Variants in SDK2 observed in about 807,000 individuals in gnomAD.
SDK2 encodes sidekick cell adhesion molecule 2.
In SDK2, 105 loss-of-function variants were observed where a neutral mutation model predicts 253.9. That is an observed-to-expected ratio of 0.41 (90% CI 0.35 to 0.49). The LOEUF (loss-of-function observed/expected upper bound fraction) is 0.49, where lower values mean the gene tolerates loss of function less well. Ranked by LOEUF, SDK2 falls within the 20% of genes least tolerant of loss-of-function variation. The probability of loss-of-function intolerance (pLI) is 0.06; values close to 1 mark genes in which losing one functional copy is unlikely to be tolerated. For synonymous variants in SDK2, 1,249 were observed against 1,234.9 expected (o/e 1.01, Z -0.24); for missense variants, 2,608 against 3,003.0 (o/e 0.87, Z 3.07).
intron 1 of SDK2, among the ~76,000 whole-genome samples, chr17:73,600,725 G>A (rs1000287622): frequency 2.0e-5 from 3 of 152,192 alleles, no homozygotes; most frequent in African/African-American, 7.2e-5. Flanking sequence ...CCCATCAAGA[G>A]GCATTTATTG....
chr17:73,361,888 C>T lies in SDK2; in HGVS notation c.5306-43G>A, dbSNP rs746704327. On this transcript the variant is annotated intron_variant, in intron 38 of 44. Coordinates refer to ENST00000392650, the MANE Select transcript of SDK2 (RefSeq NM_001144952.2). This position sits in a 1 kb window ranked among gnomAD's most constrained non-coding sequence, Gnocchi z 4.1. ...AGTGGGGACTGGGCACAGGGCCCACCGAGGGCACTGGAGGCCATGGGGAAG... is the reference window on the plus strand; with the variant it reads ...AGTGGGGACTGGGCACAGGGCCCACTGAGGGCACTGGAGGCCATGGGGAAG... 2.0e-5 allele frequency: 31 copies of T among 1,528,282 alleles called. No individual in the cohort carries two copies. Among genetic ancestry groups the T allele is most frequent in the East Asian group, 7.3e-5 (3 of 41,122 alleles). The allele number at this position is 1,528,282 out of a possible 1,614,324, so 94.7% of individuals were successfully genotyped here.
chr17:73,593,389 T>C (rs989696414), intron 1 of SDK2, among the ~76,000 whole-genome samples: 1 of 152,106 alleles, frequency 6.6e-6, no homozygotes, highest in Admixed American at 6.5e-5. Context: ...GCATCCTTCC[T>C]CCTCATTGTG....
At chr17:73,517,274 C>A (rs2064036866) in intron 1 of SDK2, 1 of 152,182 alleles carries the variant, frequency 6.6e-6, no homozygotes, top group African/African-American at 2.4e-5. Context: ...ATGTCTCCCC[C>A]AAATTCATGT....
intron 2 of SDK2, among the ~76,000 whole-genome samples, chr17:73,472,844 G>C (rs2063661973): frequency 6.6e-6 from 1 of 152,148 alleles, no homozygotes; most frequent in African/African-American, 2.4e-5. Context: ...CACGTGATCT[G>C]ATGGTTTTAT....
At chr17:73,582,145 C>T (rs1292424495) in intron 1 of SDK2, among the ~76,000 whole-genome samples, 2 of 151,984 alleles carry the variant, frequency 1.3e-5, no homozygotes, top group East Asian at 1.9e-4. Flanking sequence ...TGCACAGGCC[C>T]GAGCATTTGG....
chr17:73,396,396 C>A (rs1057229450), intron 24 of SDK2, among the ~76,000 whole-genome samples: 4 of 151,988 alleles, frequency 2.6e-5, no homozygotes, highest in African/African-American at 9.7e-5. Flanking sequence ...CCAGCCCTCA[C>A]CTCCCCCAGT....
At chr17:73,610,544 T>TGCCTG (rs1485298349) in intron 1 of SDK2, among the ~76,000 whole-genome samples, 5 of 152,224 alleles carry the variant, frequency 3.3e-5, no homozygotes. Flanking sequence ...ACTGCTTCAC[T>TGCCTG]GCAGCCACAA....
At chr17:73,622,856 C>T (rs1030489177) in intron 1 of SDK2, among the ~76,000 whole-genome samples, 1 of 152,260 alleles carries the variant, frequency 6.6e-6, no homozygotes, top group Admixed American at 6.5e-5. Flanking sequence ...AGGTCTTCAT[C>T]TTGGAATTCA....
chr17:73,533,382 G>A (rs1263389474), intron 1 of SDK2, among the ~76,000 whole-genome samples: 2 of 152,232 alleles, frequency 1.3e-5, no homozygotes, highest in Non-Finnish European at 2.9e-5. Context: ...CAGAGCTGGC[G>A]GGCACATCCC....
At chr17:73,525,670 GC>G (rs1381184928) in intron 1 of SDK2, among the ~76,000 whole-genome samples, 2 of 151,988 alleles carry the variant, frequency 1.3e-5, no homozygotes, top group African/African-American at 4.8e-5. Flanking sequence ...TCTCCAAACG[GC>G]CCCGCAGGAT....
intron 1 of SDK2, among the ~76,000 whole-genome samples, chr17:73,565,029 T>C (rs2045292561): frequency 6.6e-6 from 1 of 152,152 alleles, no homozygotes; most frequent in Non-Finnish European, 1.5e-5. Context: ...GAAATGGCAC[T>C]GGGTGAACTT....
chr17:73,352,395 C>A lies in SDK2; in HGVS notation c.5758+78G>T. 1 of 1,486,184 alleles carries A rather than the reference C, an allele frequency of 6.7e-7. No homozygotes were observed. The highest frequency in any genetic ancestry group is 9.0e-7 in the Non-Finnish European group (1 of 1,109,530). 92.1% of individuals were successfully genotyped at this position (1,486,184 alleles called of 1,614,324 possible). A position where few individuals can be genotyped will look rare whatever the true frequency, so the allele number is the denominator to read the frequency against. On this transcript the variant is annotated intron_variant, in intron 41 of 44. Coordinates refer to ENST00000392650, the MANE Select transcript of SDK2 (RefSeq NM_001144952.2). The surrounding 1 kb of genome is among the most constrained non-coding windows in gnomAD (Gnocchi z 4.1). ...TGCTCCTGGTGCCCTGGTGCCTCTC[C>A]TCCTTCCGCCCTGCCCAGTGTCAGC...
intron 15 of SDK2, among the ~76,000 whole-genome samples, chr17:73,421,850 C>T (rs1311313703): frequency 1.3e-5 from 2 of 152,092 alleles, no homozygotes; most frequent in Non-Finnish European, 2.9e-5. Context: ...TGTGAGCCAC[C>T]GTGCCCAGCA....
Position 73,398,027 on chromosome 17 carries a change from A to G in SDK2, c.3354+8T>C, listed in dbSNP as rs1250585220. Reference sequence around the variant, plus strand: ...GAGGTCCCACCCCTGCCCTCGAGGGAGCCTTACCATCCAGCGCAGCCACAG... The same window carrying G: ...GAGGTCCCACCCCTGCCCTCGAGGGGGCCTTACCATCCAGCGCAGCCACAG... On this transcript the variant is annotated splice_region_variant and intron_variant, in intron 24 of 44. Transcript: ENST00000392650. 6.2e-7 allele frequency: 1 copy of G among 1,609,836 alleles called. No individual in the cohort carries two copies. The highest frequency in any genetic ancestry group is 8.5e-7 in the Non-Finnish European group (1 of 1,179,806).
intron 5 of SDK2, among the ~76,000 whole-genome samples, chr17:73,444,468 G>A (rs538020154): frequency 2.6e-5 from 4 of 152,180 alleles, no homozygotes; most frequent in Non-Finnish European, 4.4e-5. Flanking sequence ...CATAGGGTGG[G>A]CCCTGGGGTG....
In SDK2 at chr17:73,421,414, G is replaced by A. The variant is rs137964951; in HGVS notation, c.2045+873C>T. ...GTGCAAGGCTTTGCGCACGTGATTT[G>A]TATCACGGTTGTTCTGACCTCTCCC... On this transcript the variant is annotated intron_variant, in intron 15 of 44. Coordinates refer to ENST00000392650, the MANE Select transcript of SDK2 (RefSeq NM_001144952.2). Among the ~76,000 whole-genome samples, 433 of 152,282 alleles carry A rather than the reference G, an allele frequency of 2.8e-3. 3 individuals are homozygous for A. Among genetic ancestry groups the A allele is most frequent in the Admixed American group, 4.1e-3 (62 of 15,298 alleles).
intron 44 of SDK2, among the ~76,000 whole-genome samples, chr17:73,340,416 G>A (rs1033321765): frequency 6.6e-6 from 1 of 152,114 alleles, no homozygotes; most frequent in African/African-American, 2.4e-5. Context: ...CTGTCTCCAG[G>A]GATTAACTTA....
rs1001254370 is a variant in SDK2 at position 73,465,875 on chromosome 17, G to C, written c.331+6237C>G. Reference sequence around the variant, plus strand: ...AGGAGACAGGAACAGCCAAGGAGGGGAGGGGCATTTGGGAAAAGTGACCAT... The same window carrying C: ...AGGAGACAGGAACAGCCAAGGAGGGCAGGGGCATTTGGGAAAAGTGACCAT... On this transcript the variant is annotated intron_variant, in intron 3 of 44. Transcript: ENST00000392650. This position sits in a 1 kb window ranked among gnomAD's most constrained non-coding sequence, Gnocchi z 4.2. Among the ~76,000 whole-genome samples, 21 of 152,238 alleles carry C rather than the reference G, an allele frequency of 1.4e-4. No homozygotes were observed. Among genetic ancestry groups the C allele is most frequent in the Middle Eastern group, 6.8e-3 (2 of 294 alleles).
chr17:73,594,770 C>A (rs377353107), intron 1 of SDK2, among the ~76,000 whole-genome samples: 5 of 152,190 alleles, frequency 3.3e-5, no homozygotes, highest in Admixed American at 2.6e-4. Flanking sequence ...TATGCACACA[C>A]ACAAATATAC....
Sources: gnomAD v4.1 joint callset for allele counts (sites outside exome capture counted in the v4.1 genomes callset) on GRCh38, gnomAD v4.1.1 for gene constraint, Gnocchi (gnomAD v3.1) non-coding constraint, MANE v1.5 for transcripts, NCBI Gene and HGNC (gene_info 2026-07-23, HGNC 2026-07-21) for gene names.